Variants in ZFHX3 observed in about 807,000 individuals in gnomAD.
ZFHX3 encodes the protein zinc finger homeobox protein 3.
In ZFHX3, 42 loss-of-function variants were observed where a neutral mutation model predicts 279.1. That is an observed-to-expected ratio of 0.15 (90% CI 0.12 to 0.19). The LOEUF is 0.19. Among genes scored for constraint, ZFHX3 ranks in the 10% least tolerant of loss-of-function variants. The probability of loss-of-function intolerance (pLI) is 1.00; values close to 1 mark genes in which losing one functional copy is unlikely to be tolerated. For synonymous variants in ZFHX3, 2,293 were observed against 1,957.8 expected, an observed-to-expected ratio of 1.17 and a Z score of -4.52; for missense variants, 4,981 against 4,754.0, an observed-to-expected ratio of 1.05 and a Z score of -1.40.
intron 2 of ZFHX3, among the ~76,000 whole-genome samples, chr16:73,558,922 C>T (rs530792401): frequency 2.6e-4 from 39 of 151,622 alleles, no homozygotes; most frequent in African/African-American, 7.3e-4. Flanking sequence ...ACCATGGTGG[C>T]CAGGCTGGTT....
chr16:73,449,915 T>C (rs2018254544), intron 3 of ZFHX3, among the ~76,000 whole-genome samples: 1 of 152,170 alleles, frequency 6.6e-6, no homozygotes, highest in African/African-American at 2.4e-5. Flanking sequence ...GGATCAGAAA[T>C]GCTTCAATTT....
intron 1 of ZFHX3, among the ~76,000 whole-genome samples, chr16:73,016,387 T>TA (rs993333107): frequency 0.015 from 2,261 of 148,622 alleles, 46 homozygotes; most frequent in African/African-American, 0.05. Flanking sequence ...TGAAGTGGTT[T>TA]AAAAAAAAAA....
At chr16:72,910,954 G>C (rs938924847) in intron 3 of ZFHX3, among the ~76,000 whole-genome samples, 2 of 152,148 alleles carry the variant, frequency 1.3e-5, no homozygotes, top group African/African-American at 4.8e-5. Context: ...TGCAATCCCT[G>C]GGTCCGAATG....
intron 1 of ZFHX3, among the ~76,000 whole-genome samples, chr16:73,701,914 C>T (rs2053251560): frequency 6.6e-6 from 1 of 151,752 alleles, no homozygotes; most frequent in South Asian, 2.1e-4. Flanking sequence ...TGGGCGATTT[C>T]TATCACTGCA....
At chr16:73,716,900 AT>A (rs1012121231) in intron 1 of ZFHX3, among the ~76,000 whole-genome samples, 1 of 151,756 alleles carries the variant, frequency 6.6e-6, no homozygotes, top group Non-Finnish European at 1.5e-5. Context: ...CCCCGTCATT[AT>A]TTTTTTTCAA....
At chr16:72,907,753 G>C (rs377061714) in intron 3 of ZFHX3, among the ~76,000 whole-genome samples, 1 of 150,466 alleles carries the variant, frequency 6.6e-6, no homozygotes, top group East Asian at 2.0e-4. Flanking sequence ...GCAGGATCTC[G>C]GCTCACTGCT....
chr16:72,931,737 T>C (rs546463114), intron 3 of ZFHX3, among the ~76,000 whole-genome samples: 7 of 152,212 alleles, frequency 4.6e-5, no homozygotes, highest in South Asian at 2.1e-4. Context: ...GATGTGAACA[T>C]TAAAGTGAGA....
intron 4 of ZFHX3, among the ~76,000 whole-genome samples, chr16:73,290,993 A>G (rs1323086248): frequency 1.3e-5 from 2 of 152,238 alleles, no homozygotes; most frequent in African/African-American, 4.8e-5. Flanking sequence ...TGATATCTGC[A>G]GCAGATCAGG....
intron 2 of ZFHX3, among the ~76,000 whole-genome samples, chr16:73,584,314 C>G (rs1039216543): frequency 1.3e-5 from 2 of 152,130 alleles, no homozygotes; most frequent in Admixed American, 1.3e-4. Flanking sequence ...GAACAAATAA[C>G]AGTAAATCCA....
intron 5 of ZFHX3, among the ~76,000 whole-genome samples, chr16:73,156,405 T>C (rs1002770634): frequency 6.6e-6 from 1 of 151,578 alleles, no homozygotes; most frequent in Non-Finnish European, 1.5e-5. Context: ...TTACAGACAA[T>C]GGGGTAGATT....
intron 1 of ZFHX3, among the ~76,000 whole-genome samples, chr16:72,963,084 C>T (rs7190256): frequency 0.94 from 142,735 of 152,152 alleles, 67,279 homozygotes; most frequent in Non-Finnish European, 0.99. Flanking sequence ...TCTGTAAACA[C>T]GGTTTCCCGT....
At chr16:73,818,765 T>A (rs149139194) in intron 1 of ZFHX3, among the ~76,000 whole-genome samples, 84 of 152,308 alleles carry the variant, frequency 5.5e-4, no homozygotes, top group African/African-American at 1.8e-3. Context: ...TTGGATGTGT[T>A]TTCAAACTTA....
At chr16:72,929,215 G>A (rs1180290491) in intron 3 of ZFHX3, among the ~76,000 whole-genome samples, 1 of 151,208 alleles carries the variant, frequency 6.6e-6, no homozygotes, top group Non-Finnish European at 1.5e-5. Context: ...TCCAGCCTGG[G>A]CGACAGAGCC....
At chr16:73,755,070 G>A (rs2053796118) in intron 1 of ZFHX3, among the ~76,000 whole-genome samples, 2 of 152,248 alleles carry the variant, frequency 1.3e-5, no homozygotes, top group South Asian at 4.1e-4. Context: ...GAAGTTCAGG[G>A]AGTTCCAGTG....
rs2019442506 is a variant in ZFHX3, at chr16:73,512,261, C to G, written c.-1546-56003G>C. ...TGGCCCACATGGTGAAACCCTGTCT[C>G]CACTAAAATACAAAAAAAAAAAAAA... On this transcript the variant is annotated intron_variant, in intron 2 of 17. Transcript: ENST00000641206. 4.8e-5 allele frequency among the ~76,000 whole-genome samples: 6 copies of G among 124,682 alleles called. No homozygotes were observed. The South Asian group carries it at 1.8e-3, about 37-fold the overall frequency. 81.8% of individuals were successfully genotyped at this position (124,682 alleles called of 152,430 possible).
intron 1 of ZFHX3, among the ~76,000 whole-genome samples, chr16:73,856,329 T>G (rs1961726211): frequency 6.6e-6 from 1 of 152,190 alleles, no homozygotes; most frequent in African/African-American, 2.4e-5. Flanking sequence ...AATAAAAATT[T>G]TAAATTGCCT....
chr16:73,213,451 G>A (rs1356578485), intron 5 of ZFHX3, among the ~76,000 whole-genome samples: 2 of 152,226 alleles, frequency 1.3e-5, no homozygotes, highest in Middle Eastern at 3.4e-3. Flanking sequence ...GAAAGAGATC[G>A]GTTTTCAATA....
At chr16:73,542,720 G>T (rs745937139) in intron 2 of ZFHX3, among the ~76,000 whole-genome samples, 10 of 152,110 alleles carry the variant, frequency 6.6e-5, no homozygotes, top group Non-Finnish European at 1.2e-4. Flanking sequence ...GATAAACAAT[G>T]CACAATTTTT....
chr16:73,356,170 C>T (rs542981225), intron 3 of ZFHX3, among the ~76,000 whole-genome samples: 73 of 152,290 alleles, frequency 4.8e-4, no homozygotes, highest in African/African-American at 1.6e-3. Flanking sequence ...GCGGAGTCAC[C>T]CCCCGCCGAC....
Sources: gnomAD v4.1 joint callset for allele counts (sites outside exome capture counted in the v4.1 genomes callset) on GRCh38, gnomAD v4.1.1 for gene constraint, MANE v1.5 for transcripts, NCBI Gene and HGNC (gene_info 2026-07-23, HGNC 2026-07-21) for gene names.